The following CCDC73 variants were observed in gnomAD, a reference collection of about 807,000 sequenced individuals.
CCDC73 encodes coiled-coil domain-containing protein 73.
A neutral mutation model predicts 116.5 loss-of-function variants in CCDC73; 95 were observed. The ratio of observed to expected loss-of-function variants is 0.82; its 90% CI spans 0.69 to 0.97. CCDC73 has a LOEUF of 0.97. Among genes scored for constraint, CCDC73 ranks in the 50% least tolerant of loss-of-function variants. The pLI is 0.00. For synonymous variants in CCDC73, 398 were observed against 401.3 expected, an observed-to-expected ratio of 0.99 and a Z score of 0.10; for missense variants, 1,066 against 1,206.8, an observed-to-expected ratio of 0.88 and a Z score of 1.73.
At chr11:32,662,725 C>A (rs1458505993) in intron 9 of CCDC73, among the ~76,000 whole-genome samples, 1 of 152,106 alleles carries the variant, frequency 6.6e-6, no homozygotes, top group African/African-American at 2.4e-5. Flanking sequence ...GCTTTTGTTG[C>A]CATTGCTTTT....
intron 2 of CCDC73, among the ~76,000 whole-genome samples, chr11:32,742,309 C>G (rs1850195353): frequency 6.6e-6 from 1 of 152,198 alleles, no homozygotes; most frequent in Non-Finnish European, 1.5e-5. Flanking sequence ...ACAACCTCTC[C>G]AGCATCTGCT....
chr11:32,629,999 C>A (rs1488187458), intron 14 of CCDC73, among the ~76,000 whole-genome samples: 1 of 147,160 alleles, frequency 6.8e-6, no homozygotes, highest in African/African-American at 2.5e-5. Flanking sequence ...ACATGTGGAT[C>A]TAAACAAAGG....
At chr11:32,752,489 C>A (rs1312519805) in intron 2 of CCDC73, among the ~76,000 whole-genome samples, 1 of 152,164 alleles carries the variant, frequency 6.6e-6, no homozygotes, top group Non-Finnish European at 1.5e-5. Flanking sequence ...AACTGAATTT[C>A]TATCCATTAT....
intron 1 of CCDC73, among the ~76,000 whole-genome samples, chr11:32,767,040 T>A (rs1850448941): frequency 6.6e-6 from 1 of 152,188 alleles, no homozygotes; most frequent in South Asian, 2.1e-4. Flanking sequence ...AGAACAAAGC[T>A]GGAGGCATCA....
chr11:32,828,857 AG>A, the CCDC73 span, among the ~76,000 whole-genome samples: 7 of 152,256 alleles, frequency 4.6e-5, no homozygotes, highest in East Asian at 1.3e-3. Context: ...AAGACAACAA[AG>A]CTTACTTTTT....
intron 7 of CCDC73, among the ~76,000 whole-genome samples, chr11:32,678,173 G>C (rs1590588960): frequency 1.3e-5 from 2 of 152,176 alleles, no homozygotes; most frequent in Middle Eastern, 6.8e-3. Context: ...CAGCTACCTG[G>C]AAGGCTGAGG....
At chr11:32,724,637 A>C (rs1411766696) in intron 2 of CCDC73, among the ~76,000 whole-genome samples, 1 of 151,336 alleles carries the variant, frequency 6.6e-6, no homozygotes, top group South Asian at 2.1e-4. Context: ...TTTTTCTTCA[A>C]TAATTGAAAA....
intron 3 of CCDC73, among the ~76,000 whole-genome samples, chr11:32,703,548 TAATTAA>T (rs1013445418): frequency 3.3e-5 from 5 of 152,114 alleles, no homozygotes; most frequent in Non-Finnish European, 7.4e-5. Context: ...TAACCAAAAG[TAATTAA>T]AATTAACAAA....
intron 9 of CCDC73, among the ~76,000 whole-genome samples, chr11:32,670,853 G>A (rs961783049): frequency 6.6e-6 from 1 of 152,112 alleles, no homozygotes; most frequent in Non-Finnish European, 1.5e-5. Context: ...AGGCGGGGAG[G>A]AGAAGGGTAT....
chr11:32,816,597 T>C, the CCDC73 span, among the ~76,000 whole-genome samples: 19 of 152,264 alleles, frequency 1.2e-4, 1 homozygote, highest in African/African-American at 4.6e-4. Flanking sequence ...CTAAGTGCTG[T>C]GGGGAGAAGG....
intron 13 of CCDC73, among the ~76,000 whole-genome samples, chr11:32,637,017 C>CTTTTTTTTTTTT (rs71063750): frequency 1.0e-4 from 9 of 87,936 alleles, no homozygotes; most frequent in East Asian, 2.6e-4. Context: ...TTTTCTTTTT[C>CTTTTTTTTTTTT]TTTTTTTTTT....
At chr11:32,629,820 T>C (rs1441764122) in intron 14 of CCDC73, among the ~76,000 whole-genome samples, 1 of 143,606 alleles carries the variant, frequency 7.0e-6, no homozygotes, top group Non-Finnish European at 1.5e-5. Flanking sequence ...AAAGAAAAAT[T>C]ATCTAGAATT....
chr11:32,758,000 A>G (rs966612697), intron 2 of CCDC73, among the ~76,000 whole-genome samples: 5 of 152,200 alleles, frequency 3.3e-5, no homozygotes, highest in Non-Finnish European at 5.9e-5. Flanking sequence ...TTCACTGTAA[A>G]GTTCTTTCAA....
chr11:32,662,499 G>T (rs1590577147), intron 9 of CCDC73, among the ~76,000 whole-genome samples: 1 of 151,870 alleles, frequency 6.6e-6, no homozygotes, highest in East Asian at 1.9e-4. Flanking sequence ...AGAAGTGTCT[G>T]CTCGTCTCCT....
At chr11:32,771,815 C>T (rs1482202901) in intron 1 of CCDC73, among the ~76,000 whole-genome samples, 3 of 152,232 alleles carry the variant, frequency 2.0e-5, no homozygotes, top group Non-Finnish European at 4.4e-5. Flanking sequence ...GATAGGGTCA[C>T]TTCTCCCTTC....
chr11:32,664,642 T>G (rs192836284), intron 9 of CCDC73, among the ~76,000 whole-genome samples: 15 of 152,336 alleles, frequency 9.8e-5, no homozygotes, highest in Admixed American at 7.8e-4. Flanking sequence ...CTGCATTCAA[T>G]GATATTTTTG....
chr11:32,697,813 T>C (rs946956764), intron 6 of CCDC73, among the ~76,000 whole-genome samples: 8 of 152,024 alleles, frequency 5.3e-5, no homozygotes, highest in Admixed American at 4.6e-4. Context: ...GTTTTGGTTT[T>C]AACTTTTAGG....
rs1855584719 is a variant in CCDC73, at chr11:32,627,302, T to A, written c.1185+8394A>T. Among the ~76,000 whole-genome samples, 3 of 152,162 alleles carry A rather than the reference T, an allele frequency of 2.0e-5. No individual in the cohort carries two copies. In the South Asian group the frequency reaches 6.2e-4, roughly 32 times the overall value. The stretch of plus-strand genomic sequence containing the variant: ...CTCACACCAGTTAGAATGGCGATCA[T>A]TGAAAAGTCAGGAAGCAACAGGTGC... On this transcript the variant is annotated intron_variant, in intron 14 of 17. Transcript: ENST00000335185.
intron 6 of CCDC73, among the ~76,000 whole-genome samples, chr11:32,693,175 G>A (rs551614296): frequency 6.6e-6 from 1 of 152,300 alleles, no homozygotes; most frequent in East Asian, 1.9e-4. Flanking sequence ...CCTGTGCCTA[G>A]CACATACCAG....
Sources: gnomAD v4.1 joint callset for allele counts (sites outside exome capture counted in the v4.1 genomes callset) on GRCh38, gnomAD v4.1.1 for gene constraint, MANE v1.5 for transcripts, NCBI Gene and HGNC (gene_info 2026-07-23, HGNC 2026-07-21) for gene names.